Variants in TRPM4 observed in about 807,000 individuals in gnomAD.
TRPM4 encodes transient receptor potential cation channel subfamily M member 4, also known as calcium-activated non-selective cation channel 1.
TRPM4 carries 124 observed loss-of-function variants against 135.6 expected under a neutral mutation model. The ratio of observed to expected loss-of-function variants is 0.91; its 90% CI spans 0.79 to 1.06. The LOEUF is 1.06. Ranked by LOEUF, TRPM4 falls within the 50% of genes least tolerant of loss-of-function variation. The probability of loss-of-function intolerance (pLI) is 0.00; values close to 1 mark genes in which losing one functional copy is unlikely to be tolerated. For synonymous variants in TRPM4, 745 were observed against 705.6 expected, an observed-to-expected ratio of 1.06 and a Z score of -0.88; for missense variants, 1,658 against 1,671.4, an observed-to-expected ratio of 0.99 and a Z score of 0.14.
At chr19:49,196,946 CCA>C in intron 17 of TRPM4, 72 bp downstream of exon 17, 4 of 1,429,772 alleles carry the variant, frequency 2.8e-6, no homozygotes, top group Non-Finnish European at 2.8e-6. Flanking sequence ...CCCGGGGTCT[CCA>C]CTCCCGGCTT....
rs1171378180 is a variant in TRPM4, at chr19:49,196,824, C to G, written c.2595C>G (p.Asn865Lys). ...GCCTCTACCTCGCCGACAGCTGGAA[C>G]CAGTGCGACCTAGTGGCTCTCACCT... ...RLRLYLADSW[N>K]QCDLVALTCF... Residue 865 changes from asparagine to lysine, a missense_variant, in exon 17 of 25, where the codon AAC (asparagine) becomes AAG (lysine). Transcript: ENST00000252826. 6.3e-7 allele frequency: 1 copy of G among 1,591,486 alleles called. No homozygotes were observed. The highest frequency in any genetic ancestry group is 1.7e-5 in the Admixed American group (1 of 59,144).
intron 20 of TRPM4, among the ~76,000 whole-genome samples, chr19:49,207,193 G>A (rs969191434): frequency 1.3e-5 from 2 of 152,094 alleles, no homozygotes; most frequent in Non-Finnish European, 2.9e-5. Context: ...GAATAGCAGT[G>A]GTAAAAGTGG....
rs1568490850 is a variant in TRPM4, at chr19:49,202,118, C to G, written c.3108C>G (p.Val1036=). 6.2e-7 allele frequency: 1 copy of G among 1,614,082 alleles called. No individual in the cohort carries two copies. The change falls in exon 20 of 25, where the codon GTC becomes GTG. Residue 1036 remains valine (V), a synonymous_variant. Transcript: ENST00000252826. ...IFLLVANILL[V]NLLIAMFSYT... Reference sequence around the variant, plus strand: ...TGCTCGTGGCCAACATCCTGCTGGTCAACTTGCTCATTGCCATGTTCAGGT... The same window carrying G: ...TGCTCGTGGCCAACATCCTGCTGGTGAACTTGCTCATTGCCATGTTCAGGT...
chr19:49,206,522 C>T (rs1306540902), intron 20 of TRPM4, among the ~76,000 whole-genome samples: 1 of 151,484 alleles, frequency 6.6e-6, no homozygotes, highest in Non-Finnish European at 1.5e-5. Flanking sequence ...TCACCACAAC[C>T]TCTGCCTCCC....
At chr19:49,159,574 C>G (rs757115820) in intron 2 of TRPM4, 4 of 152,094 alleles carry the variant, frequency 2.6e-5, no homozygotes, top group Admixed American at 6.6e-5. Flanking sequence ...CATCCACCTC[C>G]TGGGTTCAAG....
chr19:49,181,953 A>G (rs1175012263), intron 10 of TRPM4, among the ~76,000 whole-genome samples: 3 of 150,766 alleles, frequency 2.0e-5, no homozygotes, highest in Admixed American at 6.6e-5. Context: ...CCACCCATCC[A>G]TCTGTCTATC....
intron 10 of TRPM4, 164 bp from the exon 11 acceptor site, chr19:49,182,410 GTCCA>G: frequency 1.6e-6 from 1 of 610,880 alleles, no homozygotes; most frequent in East Asian, 3.0e-5. Context: ...CCATCCATCT[GTCCA>G]TCCATCCATC....
intron 18 of TRPM4, 83 bp downstream of exon 18, chr19:49,200,515 C>T: frequency 6.3e-7 from 1 of 1,587,122 alleles, no homozygotes. Context: ...GGAGAAGGGG[C>T]GTGACTTTGG....
chr19:49,184,967 T>G lies in TRPM4; in HGVS notation c.1743+1755T>G, dbSNP rs529942760. ...AATTTTTATTTTTAAAAAAATAAAT[T>G]CAGTGTTCACATTTCTATAAAGAAT... On this transcript the variant is annotated intron_variant, in intron 12 of 24. Transcript: ENST00000252826. Among the ~76,000 whole-genome samples the G allele has an allele frequency of 5.3e-5, 8 of 152,058 alleles. No individual in the cohort carries two copies. In the South Asian group the frequency reaches 8.3e-4, roughly 16 times the overall value.
At chr19:49,184,697 T>C (rs1968131430) in intron 12 of TRPM4, among the ~76,000 whole-genome samples, 1 of 151,858 alleles carries the variant, frequency 6.6e-6, no homozygotes, top group African/African-American at 2.4e-5. Context: ...GCCAGGATGG[T>C]TGCGATCTCC....
intron 16 of TRPM4, 27 bp from the exon 17 acceptor site, chr19:49,196,413 C>T (rs902770021): frequency 1.3e-6 from 2 of 1,518,734 alleles, no homozygotes; most frequent in African/African-American, 1.4e-5. Context: ...AGTGAGGCCT[C>T]CTCCCTTCTC....
intron 20 of TRPM4, 143 bp downstream of exon 20, chr19:49,202,284 C>T: frequency 2.1e-6 from 2 of 965,206 alleles, no homozygotes; most frequent in East Asian, 5.1e-5. Context: ...CAAACCCAAC[C>T]AGACCCTGCT....
intron 5 of TRPM4, 56 bp from the exon 6 acceptor site, chr19:49,168,497 G>A (rs1220334226): frequency 1.2e-6 from 2 of 1,613,752 alleles, no homozygotes; most frequent in East Asian, 2.2e-5. Flanking sequence ...AGGGGCTCGT[G>A]TTTGTCCTTC....
chr19:49,210,479 T>C lies in TRPM4; in HGVS notation c.3328+74T>C, dbSNP rs999642933. Reference sequence around the variant, plus strand: ...CCTGGAAGGCGAGGGGAAGGGGGCATGCCCCAAATGACTAACGGGCGTGGC... The same window carrying C: ...CCTGGAAGGCGAGGGGAAGGGGGCACGCCCCAAATGACTAACGGGCGTGGC... On this transcript the variant is annotated intron_variant, in intron 21 of 24. Transcript: ENST00000252826. This position sits in a 1 kb window ranked among gnomAD's most constrained non-coding sequence, Gnocchi z 4.1. The C allele has an allele frequency of 2.1e-5, 33 of 1,554,544 alleles. No individual in the cohort carries two copies. Among genetic ancestry groups the C allele is most frequent in the Non-Finnish European group, 2.7e-5 (31 of 1,141,012 alleles).
chr19:49,162,173 G>A (rs1024953021), intron 2 of TRPM4, among the ~76,000 whole-genome samples: 1 of 152,174 alleles, frequency 6.6e-6, no homozygotes, highest in Non-Finnish European at 1.5e-5. Context: ...GGCCACTTGT[G>A]ATACAGTCAG....
intron 9 of TRPM4, among the ~76,000 whole-genome samples, chr19:49,177,384 G>C (rs1471232877): frequency 6.7e-6 from 1 of 149,392 alleles, no homozygotes; most frequent in Non-Finnish European, 1.5e-5. Flanking sequence ...GCCCAGGCTG[G>C]AGTGCAGTGG....
chr19:49,203,135 CCCGCCTTGGCCTCCCAA>C, intron 20 of TRPM4, among the ~76,000 whole-genome samples: 1 of 151,868 alleles, frequency 6.6e-6, no homozygotes. Context: ...TCGTGATCCA[CCCGCCTTGGCCTCCCAA>C]AGTGCTAGGA....
Position 49,189,229 on chromosome 19 carries a change from C to G in TRPM4, c.2019+138C>G, listed in dbSNP as rs575863364. On this transcript the variant is annotated intron_variant, in intron 14 of 24. Coordinates refer to ENST00000252826, the MANE Select transcript of TRPM4 (RefSeq NM_017636.4). ...GGAGATCCCCCAGAAAGTCTCTCTT[C>G]TCTCTCAGAAAGGCTGCTCTTCCCA... 5.6e-5 allele frequency: 74 copies of G among 1,316,036 alleles called. 2 individuals carry two copies. In the South Asian group the frequency reaches 9.0e-4, roughly 16 times the overall value. The allele number at this position is 1,316,036 out of a possible 1,614,324, so 81.5% of individuals were successfully genotyped here.
rs1407917924 is a variant in TRPM4, at chr19:49,210,690, G to A, written c.3329-20G>A. 6.2e-7 allele frequency: 1 copy of A among 1,613,766 alleles called. No individual in the cohort carries two copies. The highest frequency in any genetic ancestry group is 2.2e-5 in the East Asian group (1 of 44,876). ...GGAAGGGGCGTGGCCTGAGCCCTTT[G>A]ACTCCGCCCGCCCCTGCAGGGGTTT... On this transcript the variant is annotated intron_variant, in intron 21 of 24. Transcript: ENST00000252826. The surrounding 1 kb of genome is among the most constrained non-coding windows in gnomAD (Gnocchi z 4.1).
Sources: gnomAD v4.1 joint callset for allele counts (sites outside exome capture counted in the v4.1 genomes callset) on GRCh38, gnomAD v4.1.1 for gene constraint, Gnocchi (gnomAD v3.1) non-coding constraint, MANE v1.5 for transcripts, NCBI Gene and HGNC (gene_info 2026-07-23, HGNC 2026-07-21) for gene names.